ESPNL: variants seen among roughly 807,000 people sequenced by gnomAD.
The protein encoded by ESPNL is espin like.
ESPNL carries 49 observed loss-of-function variants against 46.8 expected under a neutral mutation model. The observed-to-expected ratio is 1.05, with a 90% confidence interval of 0.83 to 1.33. The LOEUF (loss-of-function observed/expected upper bound fraction) is 1.33, where lower values mean the gene tolerates loss of function less well. ESPNL is among the 40% of genes most tolerant of loss of function. The probability of loss-of-function intolerance (pLI) is 0.00; values close to 1 mark genes in which losing one functional copy is unlikely to be tolerated. For missense variants in ESPNL, 1,540 were observed against 1,436.6 expected, an observed-to-expected ratio of 1.07 and a Z score of -1.16; for synonymous variants, 664 against 662.1, an observed-to-expected ratio of 1.00 and a Z score of -0.04.
At chr2:238,107,025 G>C (rs893759331) in intron 3 of ESPNL, among the ~76,000 whole-genome samples, 26 of 152,246 alleles carry the variant, frequency 1.7e-4, no homozygotes, top group African/African-American at 5.3e-4. Context: ...AGTGGGGAAA[G>C]CGGGCACACT....
rs993858333 is a variant in ESPNL, at chr2:238,114,212, G to T, written c.856-2691G>T. 6.6e-6 allele frequency among the ~76,000 whole-genome samples: 1 copy of T among 152,048 alleles called. No homozygotes were observed. The highest frequency in any genetic ancestry group is 1.5e-5 in the Non-Finnish European group (1 of 67,992). ...CAGCGGTGATGGGGTCCGTCACTCT[G>T]GGGGAGAGGTTCCCTTCCTCCTCCC... On this transcript the variant is annotated intron_variant, in intron 4 of 8. Coordinates refer to ENST00000343063, the MANE Select transcript of ESPNL (RefSeq NM_194312.4). This position sits in a 1 kb window ranked among gnomAD's most constrained non-coding sequence, Gnocchi z 5.0.
intron 6 of ESPNL, among the ~76,000 whole-genome samples, chr2:238,126,026 CTGTG>C (rs950943282): frequency 7.4e-4 from 101 of 136,970 alleles, no homozygotes; most frequent in East Asian, 2.7e-3. Context: ...GTGTCTGTGT[CTGTG>C]TGTCTGTGTG....
intron 5 of ESPNL, 145 bp downstream of exon 5, chr2:238,117,179 G>A: frequency 8.5e-7 from 1 of 1,181,710 alleles, no homozygotes; most frequent in Non-Finnish European, 1.2e-6. Context: ...CAGGAGCAAG[G>A]GCCTGGGCAG....
chr2:238,119,598 A>T (rs1424476281), intron 5 of ESPNL, among the ~76,000 whole-genome samples: 3 of 151,098 alleles, frequency 2.0e-5, no homozygotes, highest in Non-Finnish European at 4.4e-5. Context: ...AGGTGGATGG[A>T]GGAGGGGAGC....
chr2:238,131,488 G>T lies in ESPNL; in HGVS notation c.2774G>T (p.Arg925Leu). 6.2e-7 allele frequency: 1 copy of T among 1,611,774 alleles called. No individual in the cohort carries two copies. The highest frequency in any genetic ancestry group is 1.1e-5 in the South Asian group (1 of 91,016). Residue 925 changes from arginine to leucine, a missense_variant, in exon 9 of 9, where the codon CGC (arginine) becomes CTC (leucine). By Grantham distance (102) the Arg-to-Leu change is moderately radical (BLOSUM62 -2). Coordinates refer to ENST00000343063, the MANE Select transcript of ESPNL (RefSeq NM_194312.4). ...WTDGFEDIKA[R>L]FFGSSQRPAW... ...GACGGCTTCGAGGACATCAAAGCCC[G>T]CTTCTTTGGCTCCAGCCAGCGTCCC...
At position 238,101,978 on chromosome 2, in the gene ESPNL, C is replaced by T. The variant is rs781205820; in HGVS notation, c.332C>T (p.Ala111Val). The change falls in exon 2 of 9, where the codon GCC (alanine) becomes GTC (valine). Residue 111 changes from alanine (A) to valine (V), a missense_variant. By Grantham distance (64) the Ala-to-Val change is moderately conservative. Transcript: ENST00000343063. ...TCGGGCGTCTCCCCGCTGCACCTGGCCGCCCGTTTTGGACACCCAGTGCTG... is the reference window on the plus strand; with the variant it reads ...TCGGGCGTCTCCCCGCTGCACCTGGTCGCCCGTTTTGGACACCCAGTGCTG... ...DASGVSPLHL[A>V]ARFGHPVLVE... 3 of 1,610,124 alleles carry T rather than the reference C, an allele frequency of 1.9e-6. No homozygotes were observed. The African/African-American group carries it at 4.0e-5, about 21-fold the overall frequency.
At chr2:238,113,300 C>A (rs556027054) in intron 4 of ESPNL, among the ~76,000 whole-genome samples, 67 of 152,282 alleles carry the variant, frequency 4.4e-4, no homozygotes, top group African/African-American at 1.5e-3. Context: ...TTTCATCAGC[C>A]TGACAGTCTT....
chr2:238,129,044 T>G (rs1692215845), intron 8 of ESPNL, 140 bp downstream of exon 8: 1 of 1,432,174 alleles, frequency 7.0e-7, no homozygotes. Context: ...CAGCTGCTGC[T>G]TCCGCCGGAG....
chr2:238,105,462 A>C (rs1192339741), intron 3 of ESPNL, among the ~76,000 whole-genome samples: 1 of 150,382 alleles, frequency 6.6e-6, no homozygotes, highest in Non-Finnish European at 1.5e-5. Flanking sequence ...GCTGTGAGCC[A>C]AGATCACGCC....
At chr2:238,129,158 C>T (rs1692219063) in intron 8 of ESPNL, 3 of 1,396,170 alleles carry the variant, frequency 2.1e-6, no homozygotes, top group East Asian at 2.6e-5. Flanking sequence ...TGGCACATGC[C>T]TGCCTGTGCC....
chr2:238,117,101 C>T, intron 5 of ESPNL, 67 bp downstream of exon 5: 1 of 1,526,414 alleles, frequency 6.6e-7, no homozygotes, highest in Non-Finnish European at 8.8e-7. Flanking sequence ...GCCAGGACCC[C>T]ACTGCTGAAC....
rs947552148 is a variant in ESPNL, at chr2:238,114,897, C to G, written c.856-2006C>G. 6.6e-6 allele frequency among the ~76,000 whole-genome samples: 1 copy of G among 152,210 alleles called. No individual in the cohort carries two copies. Among genetic ancestry groups the G allele is most frequent in the Non-Finnish European group, 1.5e-5 (1 of 68,046 alleles). The stretch of plus-strand genomic sequence containing the variant: ...TATTTGTGCCAGAGCCGGCGGCCCC[C>G]GGGCTGAGCTGCTTACTCTCTGGAG... On this transcript the variant is annotated intron_variant, in intron 4 of 8. Transcript: ENST00000343063. This position sits in a 1 kb window ranked among gnomAD's most constrained non-coding sequence, Gnocchi z 5.0.
intron 5 of ESPNL, among the ~76,000 whole-genome samples, chr2:238,118,633 AG>A (rs1691886097): frequency 8.4e-6 from 1 of 119,456 alleles, no homozygotes; most frequent in African/African-American, 3.3e-5. Context: ...TGGATGGAGG[AG>A]GAATGGATGG....
At position 238,130,850 on chromosome 2, in the gene ESPNL, C is replaced by A. The variant is rs759178253; in HGVS notation, c.2136C>A (p.Ser712Arg). The change falls in exon 9 of 9, where the codon AGC becomes AGA. Residue 712 changes from serine (S) to arginine (R), a missense_variant. Transcript: ENST00000343063. Reference protein sequence around the residue: ...EPRPGDTEEASDSGISCEEVP... With the variant: ...EPRPGDTEEARDSGISCEEVP... ...GGCCTGGCGACACAGAGGAGGCCAG[C>A]GACTCTGGCATCAGCTGCGAGGAGG... 4 of 1,551,804 alleles carry A rather than the reference C, an allele frequency of 2.6e-6. No individual in the cohort carries two copies. In the African/African-American group the frequency reaches 5.4e-5, roughly 21 times the overall value.
At chr2:238,106,859 G>A (rs139286850) in intron 3 of ESPNL, among the ~76,000 whole-genome samples, 11 of 152,352 alleles carry the variant, frequency 7.2e-5, no homozygotes, top group African/African-American at 2.4e-4. Context: ...GGAGCCCCAC[G>A]GCAGCCCTGT....
intron 5 of ESPNL, among the ~76,000 whole-genome samples, chr2:238,123,450 GTGGGGC>G (rs1333277294): frequency 6.6e-6 from 1 of 152,170 alleles, no homozygotes; most frequent in African/African-American, 2.4e-5. Context: ...CGTACCGTAG[GTGGGGC>G]TGGGGATTCC....
chr2:238,116,956 T>C lies in ESPNL; in HGVS notation c.909T>C (p.Asp303=), dbSNP rs1691830023. 6.2e-7 allele frequency: 1 copy of C among 1,612,534 alleles called. No individual in the cohort carries two copies. The highest frequency in any genetic ancestry group is 8.5e-7 in the Non-Finnish European group (1 of 1,179,780). Residue 303 remains aspartate (D), a synonymous_variant, in exon 5 of 9, where the codon GAT becomes GAC. Transcript: ENST00000343063. Reference sequence around the variant, plus strand: ...TGGACCCCTCCCTGCGGGATGAAGATGGTTACACGGCGGCAGACCTGGCGG... The same window carrying C: ...TGGACCCCTCCCTGCGGGATGAAGACGGTTACACGGCGGCAGACCTGGCGG... ...HHVDPSLRDE[D]GYTAADLAEY... is the part of the protein sequence containing the mutation.
intron 5 of ESPNL, among the ~76,000 whole-genome samples, chr2:238,121,092 C>A (rs1446012739): frequency 2.0e-5 from 3 of 152,146 alleles, no homozygotes; most frequent in African/African-American, 7.2e-5. Flanking sequence ...GCTCAGGGTG[C>A]TAGGGAAGGC....
intron 5 of ESPNL, among the ~76,000 whole-genome samples, chr2:238,121,638 TCCTCCCG>T (rs903815644): frequency 3.0e-4 from 46 of 152,286 alleles, no homozygotes; most frequent in African/African-American, 1.1e-3. Context: ...GTTCTAGTGA[TCCTCCCG>T]CCTCTGCCTC....
Sources: allele counts gnomAD v4.1 joint callset (sites outside exome capture counted in the v4.1 genomes callset), GRCh38; gene constraint gnomAD v4.1.1; non-coding constraint Gnocchi (gnomAD v3.1); transcripts MANE v1.5; gene names NCBI Gene and HGNC (gene_info 2026-07-23, HGNC 2026-07-21).